MYO16: variants seen among roughly 807,000 people sequenced by gnomAD.
The protein encoded by MYO16 is unconventional myosin-XVI.
MYO16 carries 94 observed loss-of-function variants against 205.3 expected under a neutral mutation model. That is an observed-to-expected ratio of 0.46 (90% confidence interval 0.39 to 0.54). MYO16 has a LOEUF of 0.54. Among genes scored for constraint, MYO16 ranks in the 20% least tolerant of loss-of-function variants. MYO16 has a pLI of 0.00. For missense variants in MYO16, 2,315 were observed against 2,387.5 expected, an observed-to-expected ratio of 0.97 and a Z score of 0.63; for synonymous variants, 988 against 954.0, an observed-to-expected ratio of 1.04 and a Z score of -0.66.
intron 24 of MYO16, among the ~76,000 whole-genome samples, chr13:109,049,960 G>GTA: frequency 6.8e-6 from 1 of 147,076 alleles, no homozygotes; most frequent in African/African-American, 2.5e-5. Context: ...GTGTGTGTGT[G>GTA]TGTGTGTGTG....
intron 22 of MYO16, among the ~76,000 whole-genome samples, chr13:109,011,136 C>T (rs1885581985): frequency 6.6e-6 from 1 of 151,880 alleles, no homozygotes; most frequent in South Asian, 2.1e-4. Flanking sequence ...TGTGTGGCAA[C>T]AGCAGTCTCA....
intron 3 of MYO16, among the ~76,000 whole-genome samples, chr13:108,719,652 C>T (rs1884085775): frequency 6.6e-6 from 1 of 152,176 alleles, no homozygotes; most frequent in African/African-American, 2.4e-5. Context: ...GAATGTCTCA[C>T]CCCAGGCCGC....
intron 32 of MYO16, among the ~76,000 whole-genome samples, chr13:109,147,256 C>A (rs1215858520): frequency 6.6e-6 from 1 of 152,106 alleles, no homozygotes; most frequent in Non-Finnish European, 1.5e-5. Context: ...CAATTGCATC[C>A]TAAGTCAATA....
intron 34 of MYO16, among the ~76,000 whole-genome samples, chr13:109,200,889 G>A (rs1008447409): frequency 1.3e-5 from 2 of 152,030 alleles, no homozygotes; most frequent in African/African-American, 4.8e-5. Flanking sequence ...AAAGAGTTTA[G>A]GATTTAGAGG....
At position 108,909,984 on chromosome 13, in the gene MYO16, C is replaced by A; in HGVS notation, c.1778-19C>A. The A allele has an allele frequency of 6.2e-7, 1 of 1,605,630 alleles. No homozygotes were observed. Among genetic ancestry groups the A allele is most frequent in the East Asian group, 2.2e-5 (1 of 44,712 alleles). On this transcript the variant is annotated intron_variant, in intron 15 of 34. Transcript: ENST00000457511. ...TGAATACTGCCATTTAACAGAATCA[C>A]TTTTCTTTTCCCAACCAGCCAGAAT...
intron 31 of MYO16, among the ~76,000 whole-genome samples, chr13:109,130,219 T>C (rs1236790207): frequency 2.6e-5 from 4 of 152,208 alleles, no homozygotes. Flanking sequence ...ATTTAGTTTC[T>C]TGGATCCTAA....
chr13:109,158,141 G>A (rs544459153), intron 32 of MYO16, among the ~76,000 whole-genome samples: 31 of 152,110 alleles, frequency 2.0e-4, no homozygotes, highest in African/African-American at 7.2e-4. Flanking sequence ...TGGCCACTGC[G>A]CTCCAGGGCA....
At chr13:108,657,162 G>A (rs1438360554) in intron 1 of MYO16, among the ~76,000 whole-genome samples, 1 of 152,228 alleles carries the variant, frequency 6.6e-6, no homozygotes, top group Non-Finnish European at 1.5e-5. Context: ...CTCAATAGCT[G>A]TAATATTTTA....
chr13:108,601,500 C>T (rs1878761328), intron 1 of MYO16, among the ~76,000 whole-genome samples: 1 of 152,012 alleles, frequency 6.6e-6, no homozygotes, highest in Admixed American at 6.6e-5. Context: ...CATCTAAAAT[C>T]CGATTGGGGA....
At chr13:108,778,930 G>C (rs1281254864) in intron 4 of MYO16, among the ~76,000 whole-genome samples, 1 of 152,158 alleles carries the variant, frequency 6.6e-6, no homozygotes, top group Non-Finnish European at 1.5e-5. Context: ...TTGTTTGTTT[G>C]TTTGTTTGTA....
chr13:109,005,645 G>A (rs1219973210), intron 21 of MYO16, among the ~76,000 whole-genome samples: 1 of 152,016 alleles, frequency 6.6e-6, no homozygotes. Context: ...GGACCCCCTT[G>A]CCTGCCACCC....
chr13:108,575,550 T>TG, the MYO16 span, among the ~76,000 whole-genome samples: 4 of 152,084 alleles, frequency 2.6e-5, no homozygotes, highest in Non-Finnish European at 5.9e-5. Flanking sequence ...CTTTCTCCCT[T>TG]GGGGGAGAGA....
At chr13:108,762,985 T>G (rs1885659738) in intron 4 of MYO16, among the ~76,000 whole-genome samples, 2 of 152,202 alleles carry the variant, frequency 1.3e-5, no homozygotes. Context: ...AAGAAATTAG[T>G]CCACAATGCA....
At chr13:108,545,114 G>A in the MYO16 span, among the ~76,000 whole-genome samples, 1 of 151,908 alleles carries the variant, frequency 6.6e-6, no homozygotes, top group African/African-American at 2.4e-5. Context: ...CAGGTAATAT[G>A]CCTACTACCT....
chr13:108,866,342 A>G, intron 12 of MYO16, 100 bp downstream of exon 12: 1 of 698,314 alleles, frequency 1.4e-6, no homozygotes, highest in Non-Finnish European at 2.3e-6. Context: ...CAAACTTCTA[A>G]AAAACATTTT....
intron 20 of MYO16, among the ~76,000 whole-genome samples, chr13:108,984,052 C>A (rs1884543918): frequency 6.6e-6 from 1 of 152,188 alleles, no homozygotes. Context: ...ACCCTTAAGG[C>A]TCAGCCAGCA....
chr13:108,725,996 C>T (rs538720929), intron 3 of MYO16, among the ~76,000 whole-genome samples: 1 of 152,206 alleles, frequency 6.6e-6, no homozygotes, highest in African/African-American at 2.4e-5. Context: ...TACATCTGGT[C>T]TCTGTTACAG....
chr13:108,963,653 C>T (rs1277801680), intron 19 of MYO16, among the ~76,000 whole-genome samples: 1 of 152,236 alleles, frequency 6.6e-6, no homozygotes, highest in Non-Finnish European at 1.5e-5. Context: ...TACACCAGCT[C>T]ATCACTTTAG....
chr13:108,594,484 C>G (rs1878486691), upstream of MYO16, among the ~76,000 whole-genome samples: 2 of 152,146 alleles, frequency 1.3e-5, no homozygotes, highest in African/African-American at 4.8e-5. Flanking sequence ...TTCTTGAATC[C>G]CAGCTGGTTA....
Sources: gnomAD v4.1 joint callset for allele counts (sites outside exome capture counted in the v4.1 genomes callset) on GRCh38, gnomAD v4.1.1 for gene constraint, MANE v1.5 for transcripts, NCBI Gene and HGNC (gene_info 2026-07-23, HGNC 2026-07-21) for gene names.